Variants in VWA2 observed in about 807,000 individuals in gnomAD.
VWA2 encodes the protein von Willebrand factor A domain-containing protein 2.
VWA2 carries 73 observed loss-of-function variants against 70.4 expected under a neutral mutation model. That is an observed-to-expected ratio of 1.04 (90% CI 0.86 to 1.26). The LOEUF is 1.26. VWA2 is among the 50% of genes most tolerant of loss of function. VWA2 has a pLI of 0.00. For synonymous variants in VWA2, 407 were observed against 423.3 expected, an observed-to-expected ratio of 0.96 and a Z score of 0.47; for missense variants, 1,011 against 998.5, an observed-to-expected ratio of 1.01 and a Z score of -0.17.
At chr10:114,253,528 C>A in intron 2 of VWA2, 123 bp from the exon 3 acceptor site, 1 of 802,914 alleles carries the variant, frequency 1.2e-6, no homozygotes, top group Non-Finnish European at 2.0e-6. Flanking sequence ...ATGCAAGAAT[C>A]ATCACTCCCC....
At chr10:114,262,386 A>G (rs1956807930) in intron 5 of VWA2, among the ~76,000 whole-genome samples, 1 of 151,892 alleles carries the variant, frequency 6.6e-6, no homozygotes, top group South Asian at 2.1e-4. Context: ...TGACACATAC[A>G]TGTATATACA....
At chr10:114,290,158 C>G in intron 12 of VWA2, 82 bp from the exon 13 acceptor site, 1 of 1,521,512 alleles carries the variant, frequency 6.6e-7, no homozygotes, top group East Asian at 2.5e-5. Flanking sequence ...CCTTGCACCT[C>G]TACTGGGCTT....
At chr10:114,269,528 C>G (rs2037659782) in intron 5 of VWA2, among the ~76,000 whole-genome samples, 1 of 152,150 alleles carries the variant, frequency 6.6e-6, no homozygotes, top group South Asian at 2.1e-4. Flanking sequence ...TTGCAGTGAG[C>G]TGAGAGTATG....
At chr10:114,270,106 AG>A (rs1010843409) in intron 5 of VWA2, among the ~76,000 whole-genome samples, 9 of 152,248 alleles carry the variant, frequency 5.9e-5, no homozygotes, top group African/African-American at 2.2e-4. Flanking sequence ...AATGGGCAGC[AG>A]GCCAGATTAA....
intron 5 of VWA2, among the ~76,000 whole-genome samples, chr10:114,272,098 C>T (rs2037722700): frequency 6.6e-6 from 1 of 152,200 alleles, no homozygotes; most frequent in Non-Finnish European, 1.5e-5. Context: ...GTCAACAGTT[C>T]CTATAACTGA....
At chr10:114,287,689 T>A (rs560748812) in intron 11 of VWA2, among the ~76,000 whole-genome samples, 126 of 152,264 alleles carry the variant, frequency 8.3e-4, no homozygotes, top group African/African-American at 2.8e-3. Flanking sequence ...TTGGTTGGAT[T>A]TTTTAAAAAA....
At chr10:114,244,210 G>A (rs749249183) in intron 1 of VWA2, among the ~76,000 whole-genome samples, 40 of 152,188 alleles carry the variant, frequency 2.6e-4, no homozygotes, top group Admixed American at 2.1e-3. Context: ...AATTGCCAAC[G>A]TGCAGGATTC....
At chr10:114,267,401 GC>G (rs2037594495) in intron 5 of VWA2, among the ~76,000 whole-genome samples, 1 of 151,384 alleles carries the variant, frequency 6.6e-6, no homozygotes, top group African/African-American at 2.4e-5. Context: ...ACAGTTGTGA[GC>G]CACCGCGCCG....
chr10:114,279,692 G>C (rs1433995200), intron 8 of VWA2, among the ~76,000 whole-genome samples: 1 of 152,244 alleles, frequency 6.6e-6, no homozygotes, highest in Non-Finnish European at 1.5e-5. Context: ...AGTGAAAGGA[G>C]GAGTTGATTC....
At chr10:114,267,418 G>C (rs2037595207) in intron 5 of VWA2, among the ~76,000 whole-genome samples, 1 of 148,732 alleles carries the variant, frequency 6.7e-6, no homozygotes, top group Non-Finnish European at 1.5e-5. Context: ...CGCCGGCTGG[G>C]TTTTCTTATG....
At chr10:114,243,458 A>G (rs574030251) in intron 1 of VWA2, among the ~76,000 whole-genome samples, 111 of 152,340 alleles carry the variant, frequency 7.3e-4, no homozygotes, top group African/African-American at 2.6e-3. Context: ...GTTACAAGGA[A>G]GATGATTGTT....
At chr10:114,254,847 C>T in intron 3 of VWA2, 68 bp from the exon 4 acceptor site, 2 of 1,582,262 alleles carry the variant, frequency 1.3e-6, no homozygotes, top group Non-Finnish European at 8.6e-7. Context: ...CTGTTTGTGC[C>T]TTCACTCTGC....
rs1254165134 is a variant in VWA2, at chr10:114,284,741, G to C, written c.890-122G>C. 3 of 859,946 alleles carry C rather than the reference G, an allele frequency of 3.5e-6. No individual in the cohort carries two copies. In the African/African-American group the frequency reaches 5.3e-5, roughly 15 times the overall value. 53.3% of individuals were successfully genotyped at this position (859,946 alleles called of 1,614,324 possible). On this transcript the variant is annotated intron_variant, in intron 9 of 13. Coordinates refer to ENST00000392982, the MANE Select transcript of VWA2 (RefSeq NM_001272046.2). ...TGCTGCAGATTTCCTGGTGGACTGT[G>C]GGGGAAGGGAGGGGCTGGGCCACTG... is the stretch of plus-strand genomic sequence containing the variant.
At chr10:114,265,140 T>C (rs1419697940) in intron 5 of VWA2, among the ~76,000 whole-genome samples, 1 of 152,224 alleles carries the variant, frequency 6.6e-6, no homozygotes, top group East Asian at 1.9e-4. Flanking sequence ...GGGCTTCTTT[T>C]TGGGGTAAAG....
At chr10:114,277,387 T>A (rs2037871249) in intron 6 of VWA2, among the ~76,000 whole-genome samples, 1 of 151,922 alleles carries the variant, frequency 6.6e-6, no homozygotes, top group East Asian at 1.9e-4. Context: ...TTTCATCATG[T>A]TAGCTAGGCT....
At position 114,264,489 on chromosome 10, in the gene VWA2, C is replaced by T. The variant is rs114243527; in HGVS notation, c.371+3194C>T. Among the ~76,000 whole-genome samples the T allele has an allele frequency of 5.6e-3, 850 of 151,870 alleles. 5 individuals carry two copies. The highest frequency in any genetic ancestry group is 0.02 in the African/African-American group (815 of 41,364). ...CTGGAGTGCGGTGGTGCTATCTCGGCTCAATGCAAGCTCCACCTCCTAGGT... is the reference window on the plus strand; with the variant it reads ...CTGGAGTGCGGTGGTGCTATCTCGGTTCAATGCAAGCTCCACCTCCTAGGT... On this transcript the variant is annotated intron_variant, in intron 5 of 13. Coordinates refer to ENST00000392982, the MANE Select transcript of VWA2 (RefSeq NM_001272046.2).
intron 1 of VWA2, chr10:114,246,164 C>A: frequency 1.7e-6 from 2 of 1,183,546 alleles, no homozygotes; most frequent in Non-Finnish European, 2.5e-6. Flanking sequence ...AGTTGGGAAG[C>A]CTCCTTTTGA....
chr10:114,265,107 G>A (rs2133340380), intron 5 of VWA2, among the ~76,000 whole-genome samples: 1 of 152,348 alleles, frequency 6.6e-6, no homozygotes, highest in African/African-American at 2.4e-5. Context: ...TGACGGGAAT[G>A]AGGAATGGCT....
At chr10:114,290,835 A>T (rs2039519227) in intron 13 of VWA2, among the ~76,000 whole-genome samples, 1 of 152,182 alleles carries the variant, frequency 6.6e-6, no homozygotes, top group South Asian at 2.1e-4. Context: ...CAGCTAAGTG[A>T]GGACGAGGAG....
Sources: gnomAD v4.1 joint callset for allele counts (sites outside exome capture counted in the v4.1 genomes callset) on GRCh38, gnomAD v4.1.1 for gene constraint, MANE v1.5 for transcripts, NCBI Gene and HGNC (gene_info 2026-07-23, HGNC 2026-07-21) for gene names.